FARS2: variants seen among roughly 807,000 people sequenced by gnomAD.
FARS2 encodes the protein phenylalanine--tRNA ligase, mitochondrial.
FARS2 carries 40 observed loss-of-function variants against 46.4 expected under a neutral mutation model. That is an observed-to-expected ratio of 0.86 (90% CI 0.67 to 1.12). FARS2 has a LOEUF of 1.12. FARS2 is among the 50% of genes most tolerant of loss of function. FARS2 has a pLI of 0.00. For missense variants in FARS2, 513 were observed against 567.9 expected (o/e 0.90, Z 0.98); for synonymous variants, 234 against 214.9 (o/e 1.09, Z -0.78).
intron 1 of FARS2, among the ~76,000 whole-genome samples, chr6:5,284,495 G>A (rs1309315585): frequency 1.3e-5 from 2 of 152,128 alleles, no homozygotes; most frequent in Non-Finnish European, 2.9e-5. Flanking sequence ...TCTGGCTGTC[G>A]TGCAGTGTTC....
chr6:5,449,164 C>T (rs1367264287), intron 4 of FARS2, among the ~76,000 whole-genome samples: 1 of 151,976 alleles, frequency 6.6e-6, no homozygotes, highest in Non-Finnish European at 1.5e-5. Flanking sequence ...ACCTGGCCAA[C>T]ATGGTGAAAC....
In FARS2 at chr6:5,546,549, C is replaced by G. The variant is rs114984607; in HGVS notation, c.1065+1209C>G. On this transcript the variant is annotated intron_variant, in intron 5 of 6. Coordinates refer to ENST00000274680, the MANE Select transcript of FARS2 (RefSeq NM_006567.5). Reference sequence around the variant, plus strand: ...ACAGGAGTGAGCCACTGCGCCCAGCCCTCATCTAGTATCTTTTCCAACAAT... The same window carrying G: ...ACAGGAGTGAGCCACTGCGCCCAGCGCTCATCTAGTATCTTTTCCAACAAT... 3.8e-3 allele frequency among the ~76,000 whole-genome samples: 576 copies of G among 151,860 alleles called. 1 individual carries two copies. Among genetic ancestry groups the G allele is most frequent in the Non-Finnish European group, 5.4e-3 (368 of 67,926 alleles).
chr6:5,382,948 A>G lies in FARS2; in HGVS notation c.612+13766A>G, dbSNP rs937991275. 2.0e-5 allele frequency among the ~76,000 whole-genome samples: 3 copies of G among 152,314 alleles called. No homozygotes were observed. In the South Asian group the frequency reaches 6.2e-4, roughly 32 times the overall value. On this transcript the variant is annotated intron_variant, in intron 2 of 6. Coordinates refer to ENST00000274680, the MANE Select transcript of FARS2 (RefSeq NM_006567.5). ...TCTTTCTTCCTCAGCATTTTATTCT[A>G]TTCAGGTGCTTGATGGATTGGCTGA...
intron 4 of FARS2, among the ~76,000 whole-genome samples, chr6:5,502,917 T>C (rs2150384836): frequency 6.6e-6 from 1 of 152,254 alleles, no homozygotes; most frequent in South Asian, 2.1e-4. Flanking sequence ...TTTTTTTCCA[T>C]GTGATTCATG....
intron 6 of FARS2, among the ~76,000 whole-genome samples, chr6:5,769,473 C>A (rs3812176): frequency 6.6e-6 from 1 of 152,098 alleles, no homozygotes; most frequent in Non-Finnish European, 1.5e-5. Context: ...TACTGTTGTT[C>A]GGAGCACAAA....
intron 6 of FARS2, among the ~76,000 whole-genome samples, chr6:5,625,464 A>G (rs1184561876): frequency 6.6e-6 from 1 of 152,198 alleles, no homozygotes; most frequent in Non-Finnish European, 1.5e-5. Context: ...GGTGAACCAA[A>G]GAAGGCAAGG....
At chr6:5,290,833 C>T (rs1287314249) in intron 1 of FARS2, among the ~76,000 whole-genome samples, 3 of 152,208 alleles carry the variant, frequency 2.0e-5, no homozygotes, top group Admixed American at 1.3e-4. Context: ...CCACCTCCCA[C>T]CTCAGCTTCT....
chr6:5,631,863 A>G (rs563942833), intron 6 of FARS2, among the ~76,000 whole-genome samples: 1 of 152,324 alleles, frequency 6.6e-6, no homozygotes, highest in East Asian at 1.9e-4. Context: ...TATTATACTC[A>G]TAGTTGCAAA....
chr6:5,338,091 AAG>A (rs143718261), intron 1 of FARS2, among the ~76,000 whole-genome samples: 9,267 of 152,234 alleles, frequency 0.061, 343 homozygotes, highest in Middle Eastern at 0.14. Context: ...TATATTGAGA[AAG>A]AGAAACATAG....
chr6:5,679,097 A>G (rs1463075930), intron 6 of FARS2, among the ~76,000 whole-genome samples: 1 of 152,198 alleles, frequency 6.6e-6, no homozygotes, highest in Admixed American at 6.5e-5. Context: ...GCTTGTCCTT[A>G]GGAAATAGTC....
intron 1 of FARS2, among the ~76,000 whole-genome samples, chr6:5,335,789 A>G (rs892532010): frequency 6.6e-6 from 1 of 152,176 alleles, no homozygotes; most frequent in African/African-American, 2.4e-5. Flanking sequence ...GCCAATTGGA[A>G]AGTGAAAAAT....
At chr6:5,424,590 G>C (rs1306620769) in intron 3 of FARS2, among the ~76,000 whole-genome samples, 1 of 152,124 alleles carries the variant, frequency 6.6e-6, no homozygotes, top group Non-Finnish European at 1.5e-5. Context: ...AATAGAAACA[G>C]ATATTTGTAT....
At chr6:5,635,016 G>A (rs1776475346) in intron 6 of FARS2, among the ~76,000 whole-genome samples, 1 of 152,222 alleles carries the variant, frequency 6.6e-6, no homozygotes, top group South Asian at 2.1e-4. Flanking sequence ...TTTAGAGGCC[G>A]CCCTGAGTGC....
chr6:5,713,816 GC>G (rs1759328042), intron 6 of FARS2, among the ~76,000 whole-genome samples: 1 of 152,184 alleles, frequency 6.6e-6, no homozygotes, highest in Non-Finnish European at 1.5e-5. Flanking sequence ...GTGTAACACG[GC>G]CCCTCCCCAG....
At chr6:5,409,629 G>C (rs528911180) in intron 3 of FARS2, among the ~76,000 whole-genome samples, 1 of 152,312 alleles carries the variant, frequency 6.6e-6, no homozygotes, top group Admixed American at 6.5e-5. Flanking sequence ...CTGTAAGACT[G>C]AGCTGGCAGA....
At chr6:5,267,245 C>CT (rs1430686317) in intron 1 of FARS2, among the ~76,000 whole-genome samples, 2 of 150,414 alleles carry the variant, frequency 1.3e-5, no homozygotes, top group Non-Finnish European at 3.0e-5. Flanking sequence ...CATGAGAATT[C>CT]TTTTACAGTG....
intron 4 of FARS2, among the ~76,000 whole-genome samples, chr6:5,500,946 GAGAGAGA>G (rs1313902030): frequency 5.7e-5 from 4 of 69,684 alleles, no homozygotes; most frequent in African/African-American, 1.4e-4. Flanking sequence ...GAGAGAGAGA[GAGAGAGA>G]GAGAGAGAGA....
chr6:5,289,135 A>G (rs1026489279), intron 1 of FARS2, among the ~76,000 whole-genome samples: 7 of 152,238 alleles, frequency 4.6e-5, no homozygotes, highest in Admixed American at 3.9e-4. Context: ...TATTTTGATG[A>G]CACACTTAAC....
In FARS2 at chr6:5,471,611, A is replaced by G. The variant is rs1280991249; in HGVS notation, c.904+40439A>G. ...TCTAGTGGCTCTTTGCTTTTAACCAACAAAGGCCCTTAAGAAAAGGAAAAT... is the reference window on the plus strand; with the variant it reads ...TCTAGTGGCTCTTTGCTTTTAACCAGCAAAGGCCCTTAAGAAAAGGAAAAT... On this transcript the variant is annotated intron_variant, in intron 4 of 6. Transcript: ENST00000274680. The surrounding 1 kb of genome is among the most constrained non-coding windows in gnomAD (Gnocchi z 4.1). Among the ~76,000 whole-genome samples the G allele has an allele frequency of 6.6e-6, 1 of 152,230 alleles. No individual in the cohort carries two copies. Among genetic ancestry groups the G allele is most frequent in the African/African-American group, 2.4e-5 (1 of 41,456 alleles).
Sources: gnomAD v4.1 joint callset for allele counts (sites outside exome capture counted in the v4.1 genomes callset) on GRCh38, gnomAD v4.1.1 for gene constraint, Gnocchi (gnomAD v3.1) non-coding constraint, MANE v1.5 for transcripts, NCBI Gene and HGNC (gene_info 2026-07-23, HGNC 2026-07-21) for gene names.